TRIM36: variants seen among roughly 807,000 people sequenced by gnomAD.
TRIM36 encodes E3 ubiquitin-protein ligase TRIM36.
Under a neutral mutation model 72.4 loss-of-function variants are expected in TRIM36, and 42 were observed. The observed-to-expected ratio is 0.58, with a 90% CI of 0.45 to 0.75. TRIM36 has a LOEUF of 0.75. Ranked by LOEUF, TRIM36 falls within the 30% of genes least tolerant of loss-of-function variation. The pLI, the probability that TRIM36 is intolerant of heterozygous loss-of-function variation, is 0.00. For synonymous variants in TRIM36, 315 were observed against 282.8 expected (o/e 1.11, Z -1.14); for missense variants, 913 against 857.1 (o/e 1.07, Z -0.81).
chr5:115,128,096 G>A (rs934559653), intron 9 of TRIM36, among the ~76,000 whole-genome samples: 1 of 148,410 alleles, frequency 6.7e-6, no homozygotes, highest in Non-Finnish European at 1.5e-5. Flanking sequence ...AATTGGGGGG[G>A]GCCAGGAGTG....
At chr5:115,127,292 G>A (rs1316558818) in intron 9 of TRIM36, among the ~76,000 whole-genome samples, 7 of 152,236 alleles carry the variant, frequency 4.6e-5, no homozygotes, top group Non-Finnish European at 1.0e-4. Context: ...TGGGTGCAGT[G>A]GCTCATGCCT....
intron 2 of TRIM36, among the ~76,000 whole-genome samples, chr5:115,162,219 C>T (rs1754522638): frequency 6.6e-6 from 1 of 152,184 alleles, no homozygotes; most frequent in Non-Finnish European, 1.5e-5. Flanking sequence ...CCTCTCAGGA[C>T]ATAATCTAAC....
chr5:115,131,221 A>T (rs1752657608), intron 8 of TRIM36, among the ~76,000 whole-genome samples: 1 of 152,224 alleles, frequency 6.6e-6, no homozygotes, highest in African/African-American at 2.4e-5. Context: ...TATCTTTATT[A>T]AAGATAAAAA....
chr5:115,130,513 C>A, intron 9 of TRIM36, 79 bp downstream of exon 9: 1 of 1,479,384 alleles, frequency 6.8e-7, no homozygotes, highest in South Asian at 1.4e-5. Flanking sequence ...AATGTATACT[C>A]CAAATGTAAC....
intron 7 of TRIM36, 21 bp from the exon 8 acceptor site, chr5:115,134,168 A>G (rs1015875972): frequency 1.3e-6 from 2 of 1,525,900 alleles, no homozygotes; most frequent in Non-Finnish European, 8.8e-7. Context: ...TATGAAATAG[A>G]AAACAACATT....
Position 115,131,018 on chromosome 5 carries a change from G to A in TRIM36, c.1499-129C>T, listed in dbSNP as rs373339316. 47 of 1,040,214 alleles carry A rather than the reference G, an allele frequency of 4.5e-5. No homozygotes were observed. The South Asian group carries it at 4.8e-4, about 11-fold the overall frequency. 64.4% of individuals were successfully genotyped at this position (1,040,214 alleles called of 1,614,324 possible). On this transcript the variant is annotated intron_variant, in intron 8 of 9. Transcript: ENST00000513154. ...CGGGAAGGAGGTGTCACACTACCCCGGACAACTATGACAAACCAAAACCCA... is the reference window on the plus strand; with the variant it reads ...CGGGAAGGAGGTGTCACACTACCCCAGACAACTATGACAAACCAAAACCCA...
In TRIM36 at chr5:115,163,558, G is replaced by A. The variant is rs1754600090; in HGVS notation, c.222C>T (p.Pro74=). Residue 74 remains proline, a synonymous_variant, in exon 2 of 10, where the codon CCC becomes CCT. Transcript: ENST00000513154. ...SNQSSPRLRL[P]SPSMDKIDRI... is the part of the protein sequence containing the mutation. ...GGTCAATTTTATCCATACTAGGGGA[G>A]GGGAGCCGAAGTCGAGGACTGCTTT... is the stretch of plus-strand genomic sequence containing the variant. 6.2e-7 allele frequency: 1 copy of A among 1,614,152 alleles called. No individual in the cohort carries two copies. Among genetic ancestry groups the A allele is most frequent in the Non-Finnish European group, 8.5e-7 (1 of 1,180,036 alleles).
rs1208052559 is a variant in TRIM36 at position 115,169,849 on chromosome 5, A to G, written c.-215T>C. The G allele has an allele frequency of 1.5e-6, 2 of 1,311,588 alleles. No homozygotes were observed. Among genetic ancestry groups the G allele is most frequent in the Non-Finnish European group, 1.9e-6 (2 of 1,028,820 alleles). The allele number at this position is 1,311,588 out of a possible 1,614,324, so 81.2% of individuals were successfully genotyped here. ...CGCGGGAGAAGCGAGCTTTGCTCCCAGCGACTACCCCGGGAATCCCGCCCA... is the reference window on the plus strand; with the variant it reads ...CGCGGGAGAAGCGAGCTTTGCTCCCGGCGACTACCCCGGGAATCCCGCCCA... On this transcript the variant is annotated 5_prime_UTR_variant, in exon 1 of 10. Transcript: ENST00000513154.
At position 115,144,733 on chromosome 5, in the gene TRIM36, G is replaced by C; in HGVS notation, c.600C>G (p.Cys200Trp). ...TTATTCTCTCTGTTTCATGTTCTGG[G>C]CACATTAAAATCTATTGAGTAAAGA... is the stretch of plus-strand genomic sequence containing the variant. ...TTNFRPKILM[C>W]PEHETERINM... is the part of the protein sequence containing the mutation. The change falls in exon 4 of 10, where the codon TGC (cysteine) becomes TGG (tryptophan). Residue 200 changes from cysteine to tryptophan, a missense_variant. Transcript: ENST00000513154. 6.2e-7 allele frequency: 1 copy of C among 1,612,668 alleles called. No individual in the cohort carries two copies. Among genetic ancestry groups the C allele is most frequent in the South Asian group, 1.1e-5 (1 of 90,616 alleles).
chr5:115,179,945 G>A, intron 1 of TRIM36: 1 of 1,610,600 alleles, frequency 6.2e-7, no homozygotes, highest in Non-Finnish European at 8.5e-7. Context: ...CGGGGGCCCA[G>A]GCCGCGGCGC....
rs781088536 is a variant in TRIM36 at position 115,134,037 on chromosome 5, G to A, written c.1321C>T (p.Arg441Trp). Residue 441 changes from arginine to tryptophan, a missense_variant, in exon 8 of 10, where the codon CGG (arginine) becomes TGG (tryptophan). Physicochemically the swap from Arg to Trp is moderately radical, Grantham distance 101. Transcript: ENST00000513154. ...ATTTCATCATCTCTATTGATTTTCC[G>A]ATATTCAAGAACATAGCTATCAGCT... ...DKADSYVLEY[R>W]KINRDDEMSW... 4.2e-5 allele frequency: 67 copies of A among 1,613,620 alleles called. 1 individual carries two copies. The highest frequency in any genetic ancestry group is 7.7e-5 in the South Asian group (7 of 91,040).
intron 1 of TRIM36, among the ~76,000 whole-genome samples, chr5:115,165,443 G>A (rs1156839298): frequency 1.3e-5 from 2 of 152,212 alleles, no homozygotes; most frequent in Non-Finnish European, 2.9e-5. Flanking sequence ...TGACTTTTGT[G>A]CACTGGTAGG....
At position 115,144,631 on chromosome 5, in the gene TRIM36, T is replaced by C. The variant is rs1382706991; in HGVS notation, c.702A>G (p.Val234=). The C allele has an allele frequency of 6.2e-7, 1 of 1,614,150 alleles. No individual in the cohort carries two copies. Among genetic ancestry groups the C allele is most frequent in the African/African-American group, 1.3e-5 (1 of 75,056 alleles). The change falls in exon 4 of 10, where the codon GTA becomes GTG. Residue 234 remains valine (V), a synonymous_variant. Transcript: ENST00000513154. ...TTTTGTAGGCACTGCTCATAGTGGTTACACGGTGGTTGGCATGATTACCAC... is the reference window on the plus strand; with the variant it reads ...TTTTGTAGGCACTGCTCATAGTGGTCACACGGTGGTTGGCATGATTACCAC... ...KLGGNHANHR[V]TTMSSAYKTL... is the part of the protein sequence containing the mutation.
In TRIM36 at chr5:115,165,274, G is replaced by T. The variant is rs536357836; in HGVS notation, c.28-1522C>A. On this transcript the variant is annotated intron_variant, in intron 1 of 9. Coordinates refer to ENST00000513154, the MANE Select transcript of TRIM36 (RefSeq NM_001300759.2). The stretch of plus-strand genomic sequence containing the variant: ...CTCCCCTAGGGAGTGCCCCAGTGGG[G>T]ACTCTGTGTGGCGGCTTATATCTCA... Among the ~76,000 whole-genome samples the T allele has an allele frequency of 3.9e-4, 59 of 152,330 alleles. No individual in the cohort carries two copies. The South Asian group carries it at 4.8e-3, about 12-fold the overall frequency.
At chr5:115,169,950 CG>C (rs1755018827), upstream of TRIM36, 2 of 1,222,120 alleles carry the variant, frequency 1.6e-6, no homozygotes, top group Admixed American at 4.4e-5. Flanking sequence ...CGGGGCACCG[CG>C]GGGCGTGGAC....
At chr5:115,157,483 G>C (rs2112885335) in intron 2 of TRIM36, among the ~76,000 whole-genome samples, 1 of 152,224 alleles carries the variant, frequency 6.6e-6, no homozygotes, top group African/African-American at 2.4e-5. Context: ...AGAATTGCTT[G>C]AACCTGGTGG....
At chr5:115,133,233 C>T (rs140482491) in intron 8 of TRIM36, among the ~76,000 whole-genome samples, 4 of 152,268 alleles carry the variant, frequency 2.6e-5, no homozygotes, top group African/African-American at 4.8e-5. Flanking sequence ...TGAACATCAA[C>T]GAACCTTTAA....
Position 115,169,661 on chromosome 5 carries a change from C to T in TRIM36, c.-27G>A. On this transcript the variant is annotated 5_prime_UTR_variant, in exon 1 of 10. Transcript: ENST00000513154. ...GCTGCCTTCTGCCAGGTGTCATCAGCGGCACGTTCCACTCACACCGGCTAC... is the reference window on the plus strand; with the variant it reads ...GCTGCCTTCTGCCAGGTGTCATCAGTGGCACGTTCCACTCACACCGGCTAC... 1.3e-6 allele frequency: 2 copies of T among 1,519,372 alleles called. No individual in the cohort carries two copies. The highest frequency in any genetic ancestry group is 1.8e-6 in the Non-Finnish European group (2 of 1,138,720). 94.1% of individuals were successfully genotyped at this position (1,519,372 alleles called of 1,614,324 possible). A position where few individuals can be genotyped will look rare whatever the true frequency, so the allele number is the denominator to read the frequency against.
intron 2 of TRIM36, among the ~76,000 whole-genome samples, chr5:115,151,127 C>A (rs1157569374): frequency 6.6e-6 from 1 of 152,176 alleles, no homozygotes; most frequent in Admixed American, 6.5e-5. Flanking sequence ...GGCGGGTAGA[C>A]TGGGGCAAGT....
Sources: allele counts gnomAD v4.1 joint callset (sites outside exome capture counted in the v4.1 genomes callset), GRCh38; gene constraint gnomAD v4.1.1; transcripts MANE v1.5; gene names NCBI Gene and HGNC (gene_info 2026-07-23, HGNC 2026-07-21).